CCDC159: variants seen among roughly 807,000 people sequenced by gnomAD.
The protein encoded by CCDC159 is coiled-coil domain containing 159, also known as coiled-coil domain-containing protein 159.
A neutral mutation model predicts 50.9 loss-of-function variants in CCDC159; 40 were observed. The ratio of observed to expected loss-of-function variants is 0.79; its 90% CI spans 0.61 to 1.02. CCDC159 has a LOEUF of 1.02. CCDC159 is among the 50% of genes least tolerant of loss of function. The pLI, the probability that CCDC159 is intolerant of heterozygous loss-of-function variation, is 0.00. For synonymous variants in CCDC159, 146 were observed against 138.9 expected (o/e 1.05, Z -0.36); for missense variants, 356 against 371.5 (o/e 0.96, Z 0.34).
chr19:11,350,998 G>A lies in CCDC159; in HGVS notation c.417G>A (p.Arg139=). The A allele has an allele frequency of 3.1e-5, 48 of 1,548,872 alleles. No homozygotes were observed. The highest frequency in any genetic ancestry group is 4.2e-5 in the Non-Finnish European group (48 of 1,145,666). Residue 139 remains arginine (R), a synonymous_variant, in exon 5 of 11, where the codon CGG becomes CGA. Coordinates refer to ENST00000458408, the MANE Select transcript of CCDC159 (RefSeq NM_001080503.3). Reference sequence around the variant, plus strand: ...TGCAGCTGCTGGCCCAGGAGATCCGGGACAGGTCGGGGATGGCGGGAGGGC... The same window carrying A: ...TGCAGCTGCTGGCCCAGGAGATCCGAGACAGGTCGGGGATGGCGGGAGGGC... The part of the protein sequence containing the change: ...RCLQLLAQEI[R]DSKKFLWEEL...
chr19:11,354,375 G>C (rs1227243049), intron 9 of CCDC159, among the ~76,000 whole-genome samples: 2 of 152,138 alleles, frequency 1.3e-5, no homozygotes, highest in Non-Finnish European at 2.9e-5. Flanking sequence ...GGGCAACAGA[G>C]CGAGACCCCA....
At chr19:11,348,881 G>T (rs552273444) in intron 1 of CCDC159, 1 of 884,922 alleles carries the variant, frequency 1.1e-6, no homozygotes, top group Admixed American at 1.9e-5. Flanking sequence ...TAGTTAGGGG[G>T]CTCCCATAGG....
At position 11,353,578 on chromosome 19, in the gene CCDC159, G is replaced by A; in HGVS notation, c.689+6G>A. ...AAGGAACTGAGTGATATATGGTGAT[G>A]CCCAGCCTGCAGTCTGACCCCTGAC... On this transcript the variant is annotated splice_donor_region_variant and intron_variant, in intron 8 of 10. Coordinates refer to ENST00000458408, the MANE Select transcript of CCDC159 (RefSeq NM_001080503.3). 6.2e-7 allele frequency: 1 copy of A among 1,611,370 alleles called. No individual in the cohort carries two copies. The highest frequency in any genetic ancestry group is 8.5e-7 in the Non-Finnish European group (1 of 1,177,930).
chr19:11,350,660 A>G (rs1336926020), intron 4 of CCDC159, 148 bp from the exon 5 acceptor site: 3 of 750,058 alleles, frequency 4.0e-6, no homozygotes, highest in Admixed American at 3.2e-5. Flanking sequence ...AAAAGAAAAA[A>G]AGTCAGGCTG....
In CCDC159 at chr19:11,354,681, C is replaced by T. The variant is rs757233994; in HGVS notation, c.874C>T (p.Arg292Cys). 1.1e-5 allele frequency: 17 copies of T among 1,607,126 alleles called. No homozygotes were observed. Among genetic ancestry groups the T allele is most frequent in the South Asian group, 8.9e-5 (8 of 90,194 alleles). Residue 292 changes from arginine (R) to cysteine (C), a missense_variant, in exon 10 of 11, where the codon CGC (arginine) becomes TGC (cysteine). Transcript: ENST00000458408. ...LSQPPFSKSGRSFPPA is the reference protein window; with the variant it reads ...LSQPPFSKSGCSFPPA ...CCAGCCACCTTTCAGCAAGAGCGGC[C>T]GCTCCTTCCCACCCGGTGCAGATCC...
intron 1 of CCDC159, 25 bp downstream of exon 1, chr19:11,346,652 G>T: frequency 3.9e-6 from 6 of 1,550,768 alleles, no homozygotes; most frequent in Non-Finnish European, 5.2e-6. Flanking sequence ...GGGTTCTGGA[G>T]CCTGGCGGGT....
At chr19:11,348,770 T>C (rs769537600) in intron 1 of CCDC159, 8 of 520,950 alleles carry the variant, frequency 1.5e-5, no homozygotes, top group Non-Finnish European at 2.7e-5. Context: ...TTGGCCGGCC[T>C]ACCCCGGGAC....
At chr19:11,350,303 C>A in intron 4 of CCDC159, 104 bp downstream of exon 4, 1 of 863,146 alleles carries the variant, frequency 1.2e-6, no homozygotes, top group Non-Finnish European at 1.8e-6. Flanking sequence ...CACTTGAGGT[C>A]AGGAGTTTGA....
Position 11,348,666 on chromosome 19 carries a change from C to T in CCDC159, c.22-988C>T, listed in dbSNP as rs541753693. On this transcript the variant is annotated intron_variant, in intron 1 of 10. Coordinates refer to ENST00000458408, the MANE Select transcript of CCDC159 (RefSeq NM_001080503.3). The stretch of plus-strand genomic sequence containing the variant: ...AGAAGCCTTGAGTTTAGGGCTGAGG[C>T]CTCTCTGGCATGTCAGGGAGGGTCT... The T allele has an allele frequency of 2.4e-5, 11 of 452,822 alleles. No homozygotes were observed. The East Asian group carries it at 3.5e-4, about 14-fold the overall frequency. The allele number at this position is 452,822 out of a possible 1,614,324, so 28.1% of individuals were successfully genotyped here.
Sources: gnomAD v4.1 joint callset for allele counts (sites outside exome capture counted in the v4.1 genomes callset) on GRCh38, gnomAD v4.1.1 for gene constraint, MANE v1.5 for transcripts, NCBI Gene and HGNC (gene_info 2026-07-23, HGNC 2026-07-21) for gene names.